STK39: variants seen among roughly 807,000 people sequenced by gnomAD.
STK39 encodes the protein serine/threonine kinase 39, also known as STE20/SPS1-related proline-alanine-rich protein kinase.
Under a neutral mutation model 77.8 loss-of-function variants are expected in STK39, and 20 were observed. The observed-to-expected ratio is 0.26, with a 90% CI of 0.18 to 0.37. The LOEUF (loss-of-function observed/expected upper bound fraction) is 0.37, where lower values mean the gene tolerates loss of function less well. Among genes scored for constraint, STK39 ranks in the 10% least tolerant of loss-of-function variants. The probability of loss-of-function intolerance (pLI) is 1.00; values close to 1 mark genes in which losing one functional copy is unlikely to be tolerated. For synonymous variants in STK39, 246 were observed against 234.1 expected, an observed-to-expected ratio of 1.05 and a Z score of -0.47; for missense variants, 479 against 656.5, an observed-to-expected ratio of 0.73 and a Z score of 2.95.
chr2:168,146,112 G>A (rs1850438), intron 5 of STK39, among the ~76,000 whole-genome samples: 35,448 of 152,116 alleles, frequency 0.23, 5,689 homozygotes, highest in African/African-American at 0.45. Context: ...TAAGGATAAA[G>A]CAAAAACTGC....
At chr2:168,001,168 G>A (rs552761040) in intron 16 of STK39, among the ~76,000 whole-genome samples, 1 of 151,702 alleles carries the variant, frequency 6.6e-6, no homozygotes, top group African/African-American at 2.4e-5. Flanking sequence ...ATGCAGTATA[G>A]TGGGTGATTC....
At chr2:167,974,686 C>T (rs192856161) in intron 16 of STK39, among the ~76,000 whole-genome samples, 12 of 152,144 alleles carry the variant, frequency 7.9e-5, no homozygotes, top group Admixed American at 4.6e-4. Context: ...GTCATTTCCA[C>T]GGTTAAGTGC....
intron 10 of STK39, among the ~76,000 whole-genome samples, chr2:168,075,652 A>G (rs1253250343): frequency 6.6e-6 from 1 of 151,802 alleles, no homozygotes; most frequent in African/African-American, 2.4e-5. Context: ...GAAATCAGGA[A>G]GCCTAATGAC....
chr2:168,102,024 C>T (rs1034871738), intron 10 of STK39, among the ~76,000 whole-genome samples: 1 of 152,116 alleles, frequency 6.6e-6, no homozygotes, highest in Non-Finnish European at 1.5e-5. Flanking sequence ...TTCACATAAA[C>T]GGAATCATCC....
chr2:168,026,841 G>A (rs1684710477), intron 14 of STK39, among the ~76,000 whole-genome samples: 1 of 152,094 alleles, frequency 6.6e-6, no homozygotes, highest in Non-Finnish European at 1.5e-5. Flanking sequence ...TTCTATGTCA[G>A]GCCCAGTGGC....
rs370635538 is a variant in STK39 at position 168,247,424 on chromosome 2, C to A, written c.12G>T (p.Pro4=). MAE[P]SGSPVHVQLP... is the part of the protein sequence containing the mutation. Reference sequence around the variant, plus strand: ...GCTGGACGTGCACGGGCGAGCCGCTCGGCTCCGCCATGATGCTGCGGAGGA... The same window carrying A: ...GCTGGACGTGCACGGGCGAGCCGCTAGGCTCCGCCATGATGCTGCGGAGGA... Residue 4 remains proline, a synonymous_variant, in exon 1 of 18, where the codon CCG becomes CCT. Coordinates refer to ENST00000355999, the MANE Select transcript of STK39 (RefSeq NM_013233.3). 240 of 1,241,780 alleles carry A rather than the reference C, an allele frequency of 1.9e-4. 1 individual carries two copies. The highest frequency in any genetic ancestry group is 3.5e-4 in the Middle Eastern group (1 of 2,884). 76.9% of individuals were successfully genotyped at this position (1,241,780 alleles called of 1,614,324 possible). A position where few individuals can be genotyped will look rare whatever the true frequency, so the allele number is the denominator to read the frequency against.
chr2:168,084,191 A>G, intron 10 of STK39, among the ~76,000 whole-genome samples: 1 of 152,050 alleles, frequency 6.6e-6, no homozygotes, highest in East Asian at 1.9e-4. Flanking sequence ...TGGTGGGGGG[A>G]AGGGAGAATG....
At chr2:168,072,841 A>G (rs1390578698) in intron 12 of STK39, among the ~76,000 whole-genome samples, 2 of 152,210 alleles carry the variant, frequency 1.3e-5, no homozygotes, top group Admixed American at 6.5e-5. Flanking sequence ...ACAGCTCAAG[A>G]TAATCAAATG....
At chr2:168,086,038 T>A (rs1000008918) in intron 10 of STK39, among the ~76,000 whole-genome samples, 3 of 152,108 alleles carry the variant, frequency 2.0e-5, no homozygotes, top group Non-Finnish European at 4.4e-5. Context: ...ACAGCCTGAA[T>A]CCCTGACCCA....
intron 1 of STK39, among the ~76,000 whole-genome samples, chr2:168,224,041 A>G (rs970965587): frequency 2.0e-5 from 3 of 152,166 alleles, no homozygotes; most frequent in African/African-American, 4.8e-5. Flanking sequence ...ACACACAAAT[A>G]TATCTTTTGC....
At chr2:168,194,167 A>G (rs1689414105) in intron 1 of STK39, among the ~76,000 whole-genome samples, 1 of 152,200 alleles carries the variant, frequency 6.6e-6, no homozygotes, top group Non-Finnish European at 1.5e-5. Context: ...TAATCCCAGC[A>G]CTTTGGGAGG....
intron 10 of STK39, among the ~76,000 whole-genome samples, chr2:168,109,737 G>A (rs4668018): frequency 0.13 from 20,219 of 152,102 alleles, 1,622 homozygotes; most frequent in East Asian, 0.21. Context: ...GTATTACCAG[G>A]CCTCTTAATT....
chr2:168,089,323 G>A (rs1443513788), intron 10 of STK39, among the ~76,000 whole-genome samples: 1 of 152,182 alleles, frequency 6.6e-6, no homozygotes, highest in Non-Finnish European at 1.5e-5. Flanking sequence ...GAGTTACACT[G>A]TCAGTCAAAA....
chr2:168,001,096 T>C (rs1363391975), intron 16 of STK39, among the ~76,000 whole-genome samples: 1 of 152,274 alleles, frequency 6.6e-6, no homozygotes, highest in Non-Finnish European at 1.5e-5. Context: ...TCTGGTTCTA[T>C]AGCTCAGCAG....
chr2:168,247,407 T>C lies in STK39; in HGVS notation c.29A>G (p.His10Arg). Residue 10 changes from histidine to arginine, a missense_variant, in exon 1 of 18, where the codon CAC becomes CGC. Transcript: ENST00000355999. MAEPSGSPV[H>R]VQLPQQAAPV... ...GGCCGCCTGCTGGGGAAGCTGGACG[T>C]GCACGGGCGAGCCGCTCGGCTCCGC... 1 of 1,198,192 alleles carries C rather than the reference T, an allele frequency of 8.3e-7. No homozygotes were observed. The allele number at this position is 1,198,192 out of a possible 1,614,324, so 74.2% of individuals were successfully genotyped here. A position where few individuals can be genotyped will look rare whatever the true frequency, so the allele number is the denominator to read the frequency against.
intron 10 of STK39, among the ~76,000 whole-genome samples, chr2:168,095,720 G>A (rs532668357): frequency 1.6e-4 from 23 of 147,252 alleles, no homozygotes; most frequent in African/African-American, 4.7e-4. Flanking sequence ...TCCGCCTCCT[G>A]GGTTCACGCC....
chr2:168,113,581 A>T (rs1687176443), intron 10 of STK39, among the ~76,000 whole-genome samples: 1 of 152,238 alleles, frequency 6.6e-6, no homozygotes, highest in Non-Finnish European at 1.5e-5. Flanking sequence ...AAAGCTATAT[A>T]ATCACATGGC....
intron 14 of STK39, among the ~76,000 whole-genome samples, chr2:168,021,948 T>G (rs1239695470): frequency 6.6e-6 from 1 of 152,150 alleles, no homozygotes; most frequent in Admixed American, 6.6e-5. Context: ...GGTGCATACT[T>G]CTTGAGATGT....
At chr2:168,032,777 A>C (rs1387106909) in intron 14 of STK39, among the ~76,000 whole-genome samples, 1 of 152,252 alleles carries the variant, frequency 6.6e-6, no homozygotes, top group Non-Finnish European at 1.5e-5. Context: ...GAGAGGAAAG[A>C]AGCTCTGAAG....
Sources: gnomAD v4.1 joint callset for allele counts (sites outside exome capture counted in the v4.1 genomes callset) on GRCh38, gnomAD v4.1.1 for gene constraint, MANE v1.5 for transcripts, NCBI Gene and HGNC (gene_info 2026-07-23, HGNC 2026-07-21) for gene names.